VANGL2: variants seen among roughly 807,000 people sequenced by gnomAD.
VANGL2 encodes VANGL planar cell polarity protein 2.
Under a neutral mutation model 50.2 loss-of-function variants are expected in VANGL2, and 14 were observed. That is an observed-to-expected ratio of 0.28 (90% CI 0.18 to 0.44). The LOEUF is 0.44. Among genes scored for constraint, VANGL2 ranks in the 20% least tolerant of loss-of-function variants. The pLI is 1.00. For missense variants in VANGL2, 533 were observed against 701.5 expected (o/e 0.76, Z 2.71); for synonymous variants, 295 against 297.2 (o/e 0.99, Z 0.08).
At chr1:160,405,443 G>C (rs1317376788) in intron 1 of VANGL2, among the ~76,000 whole-genome samples, 8 of 152,184 alleles carry the variant, frequency 5.3e-5, no homozygotes, top group Non-Finnish European at 1.2e-4. Flanking sequence ...ACCCTGCTTG[G>C]TACAGAGTAG....
At chr1:160,406,964 G>A (rs1054541952) in intron 1 of VANGL2, among the ~76,000 whole-genome samples, 1 of 152,116 alleles carries the variant, frequency 6.6e-6, no homozygotes, top group African/African-American at 2.4e-5. Context: ...CTGACCTCAG[G>A]TGATCTACCT....
chr1:160,415,969 G>A (rs1409108524), intron 2 of VANGL2, 61 bp downstream of exon 2: 1 of 1,614,018 alleles, frequency 6.2e-7, no homozygotes, highest in Non-Finnish European at 8.5e-7. Context: ...GTTAAGAGGT[G>A]GGCACGTGCA....
intron 1 of VANGL2, among the ~76,000 whole-genome samples, chr1:160,409,844 TG>T (rs1173278529): frequency 6.6e-6 from 1 of 152,186 alleles, no homozygotes; most frequent in Non-Finnish European, 1.5e-5. Context: ...TGGCTGAAGG[TG>T]GGCTTCCAGC....
intron 4 of VANGL2, 38 bp from the exon 5 acceptor site, chr1:160,420,373 G>T: frequency 1.2e-6 from 2 of 1,613,518 alleles, no homozygotes; most frequent in South Asian, 2.2e-5. Flanking sequence ...CCCTTGGTCT[G>T]TCCCTTCTCC....
intron 1 of VANGL2, among the ~76,000 whole-genome samples, chr1:160,411,687 G>A (rs1331629378): frequency 1.3e-5 from 2 of 152,128 alleles, no homozygotes; most frequent in Non-Finnish European, 2.9e-5. Context: ...GGCCAGGGGA[G>A]CAGGATTCAT....
intron 1 of VANGL2, among the ~76,000 whole-genome samples, chr1:160,413,114 A>T (rs1650938824): frequency 6.6e-6 from 1 of 152,164 alleles, no homozygotes; most frequent in African/African-American, 2.4e-5. Context: ...CCCTGTGGTT[A>T]AGCGAGGCAT....
intron 3 of VANGL2, among the ~76,000 whole-genome samples, chr1:160,418,528 A>G (rs904411820): frequency 6.6e-6 from 1 of 151,760 alleles, no homozygotes; most frequent in African/African-American, 2.4e-5. Flanking sequence ...CAACTTCCCT[A>G]AGTGTTCTAA....
At chr1:160,405,328 C>G (rs181216780) in intron 1 of VANGL2, among the ~76,000 whole-genome samples, 48 of 152,272 alleles carry the variant, frequency 3.2e-4, no homozygotes, top group Non-Finnish European at 7.4e-5. Flanking sequence ...CCTTCTTTAT[C>G]CTGTCTCTTG....
chr1:160,420,570 C>T lies in VANGL2; in HGVS notation c.937+23C>T, dbSNP rs771710194. 6 of 1,614,006 alleles carry T rather than the reference C, an allele frequency of 3.7e-6. No individual in the cohort carries two copies. In the East Asian group the frequency reaches 1.1e-4, roughly 30 times the overall value. ...AGGGTGAGCAGCCCTGCTCCTCTGC[C>T]CTTCCCTGTCTCTTCCCAAGCAGGA... On this transcript the variant is annotated intron_variant, in intron 5 of 7. Transcript: ENST00000368061.
chr1:160,418,427 A>G (rs1274332541), intron 3 of VANGL2, among the ~76,000 whole-genome samples: 1 of 151,586 alleles, frequency 6.6e-6, no homozygotes, highest in African/African-American at 2.4e-5. Context: ...TCAATCTTGG[A>G]TGACCATTAC....
chr1:160,415,872 A>T lies in VANGL2; in HGVS notation c.35A>T (p.Tyr12Phe), dbSNP rs1651036963. The change falls in exon 2 of 8, where the codon TAC (tyrosine) becomes TTC (phenylalanine). Residue 12 changes from tyrosine to phenylalanine, a missense_variant. Transcript: ENST00000368061. ...GAGTCCCAGTACTCGGGCTATTCCT[A>T]CAAGTCGGGCCACTCCCGCAGCTCC... ...DTESQYSGYSYKSGHSRSSRK... is the reference protein window; with the variant it reads ...DTESQYSGYSFKSGHSRSSRK... The T allele has an allele frequency of 1.2e-6, 2 of 1,614,056 alleles. No homozygotes were observed. Among genetic ancestry groups the T allele is most frequent in the Non-Finnish European group, 8.5e-7 (1 of 1,180,000 alleles).
At chr1:160,414,905 A>G (rs2101959390) in intron 1 of VANGL2, among the ~76,000 whole-genome samples, 1 of 152,248 alleles carries the variant, frequency 6.6e-6, no homozygotes, top group Middle Eastern at 3.4e-3. Flanking sequence ...AAGGTGAAGT[A>G]TGGTTGAAGA....
At chr1:160,417,796 C>T (rs141044879) in intron 3 of VANGL2, among the ~76,000 whole-genome samples, 1 of 152,356 alleles carries the variant, frequency 6.6e-6, no homozygotes, top group African/African-American at 2.4e-5. Flanking sequence ...GGATCCTCTG[C>T]TCTCATAGCC....
At chr1:160,406,098 C>T (rs1650650433) in intron 1 of VANGL2, among the ~76,000 whole-genome samples, 1 of 152,176 alleles carries the variant, frequency 6.6e-6, no homozygotes, top group African/African-American at 2.4e-5. Flanking sequence ...AAACTCTTAA[C>T]CTTCTGAAGT....
rs754320416 is a variant in VANGL2, at chr1:160,425,384, C to A, written c.*6C>A. On this transcript the variant is annotated 3_prime_UTR_variant, in exon 8 of 8. Coordinates refer to ENST00000368061, the MANE Select transcript of VANGL2 (RefSeq NM_020335.3). ...AGTCTGAGACCTCAGTGTGACTGTG[C>A]AACAGCAGGGGGAGTGGGAAACTCT... 7 of 1,546,280 alleles carry A rather than the reference C, an allele frequency of 4.5e-6. No homozygotes were observed. The South Asian group carries it at 4.6e-5, about 10-fold the overall frequency.
rs377310832 is a variant in VANGL2, at chr1:160,420,398, G to T, written c.801-13G>T. 4 of 1,613,194 alleles carry T rather than the reference G, an allele frequency of 2.5e-6. No individual in the cohort carries two copies. In the African/African-American group the frequency reaches 5.4e-5, roughly 22 times the overall value. ...GTCCCTTCTCCCACCCCCTCCTGCC[G>T]TCTCCCCCACAGCATCCAGCGCGTG... On this transcript the variant is annotated splice_polypyrimidine_tract_variant and intron_variant, in intron 4 of 7. Transcript: ENST00000368061.
rs750626182 is a variant in VANGL2 at position 160,424,081 on chromosome 1, C to G, written c.1103C>G (p.Thr368Ser). The G allele has an allele frequency of 6.2e-7, 1 of 1,614,032 alleles. No homozygotes were observed. The highest frequency in any genetic ancestry group is 1.1e-5 in the South Asian group (1 of 91,088). ...GTAGTGGCGGTGGAGGAGGCCTTCA[C>G]TCACATTAAGCGGCTGCAGGAAGAG... ...RLVVAVEEAF[T>S]HIKRLQEEEQ... Residue 368 changes from threonine (T) to serine (S), a missense_variant, in exon 7 of 8, where the codon ACT (threonine) becomes AGT (serine). Transcript: ENST00000368061.
At position 160,419,432 on chromosome 1, in the gene VANGL2, G is replaced by A. The variant is rs534781177; in HGVS notation, c.623G>A (p.Arg208Gln). ...TATGGTGTGCGCATCCTGGATGCTCGGGAGCGCAGCTACCAGGGCGTGGTG... is the reference window on the plus strand; with the variant it reads ...TATGGTGTGCGCATCCTGGATGCTCAGGAGCGCAGCTACCAGGGCGTGGTG... ...LFYGVRILDA[R>Q]ERSYQGVVQF... The change falls in exon 4 of 8, where the codon CGG becomes CAG. Residue 208 changes from arginine to glutamine, a missense_variant. Coordinates refer to ENST00000368061, the MANE Select transcript of VANGL2 (RefSeq NM_020335.3). The surrounding 1 kb of genome is among the most constrained non-coding windows in gnomAD (Gnocchi z 5.8). 1.6e-5 allele frequency: 25 copies of A among 1,611,478 alleles called. No homozygotes were observed. The highest frequency in any genetic ancestry group is 8.9e-5 in the East Asian group (4 of 44,878).
chr1:160,401,580 G>A (rs1302520417), intron 1 of VANGL2, among the ~76,000 whole-genome samples: 4 of 152,022 alleles, frequency 2.6e-5, no homozygotes, highest in African/African-American at 7.3e-5. Context: ...TGCACGCCTT[G>A]ACGTGCTGCA....
Sources: allele counts gnomAD v4.1 joint callset (sites outside exome capture counted in the v4.1 genomes callset), GRCh38; gene constraint gnomAD v4.1.1; non-coding constraint Gnocchi (gnomAD v3.1); transcripts MANE v1.5; gene names NCBI Gene and HGNC (gene_info 2026-07-23, HGNC 2026-07-21).